MAN1C1: variants seen among roughly 807,000 people sequenced by gnomAD.
MAN1C1 encodes mannosidase alpha class 1C member 1.
Under a neutral mutation model 71.5 loss-of-function variants are expected in MAN1C1, and 49 were observed. That is an observed-to-expected ratio of 0.69 (90% CI 0.54 to 0.87). The LOEUF (loss-of-function observed/expected upper bound fraction) is 0.87, where lower values mean the gene tolerates loss of function less well. Ranked by LOEUF, MAN1C1 falls within the 40% of genes least tolerant of loss-of-function variation. The pLI, the probability that MAN1C1 is intolerant of heterozygous loss-of-function variation, is 0.00. For synonymous variants in MAN1C1, 352 were observed against 343.7 expected, an observed-to-expected ratio of 1.02 and a Z score of -0.27; for missense variants, 743 against 835.0, an observed-to-expected ratio of 0.89 and a Z score of 1.36.
Position 25,698,063 on chromosome 1 carries a change from G to A in MAN1C1, c.637+11527G>A, listed in dbSNP as rs1368878511. On this transcript the variant is annotated intron_variant, in intron 2 of 11. Coordinates refer to ENST00000374332, the MANE Select transcript of MAN1C1 (RefSeq NM_020379.4). ...CTGCCTTCACTTACGGGTGATTTGGGGCTCCCACACCAGCTGCCTCAAGTG... is the reference window on the plus strand; with the variant it reads ...CTGCCTTCACTTACGGGTGATTTGGAGCTCCCACACCAGCTGCCTCAAGTG... 2.6e-5 allele frequency among the ~76,000 whole-genome samples: 4 copies of A among 152,238 alleles called. 1 individual carries two copies. The highest frequency in any genetic ancestry group is 6.8e-3 in the Middle Eastern group (2 of 294).
chr1:25,722,244 A>G (rs2046776318), intron 2 of MAN1C1, among the ~76,000 whole-genome samples: 1 of 152,144 alleles, frequency 6.6e-6, no homozygotes. Flanking sequence ...TTTCATGACG[A>G]TATACCTCAG....
At chr1:25,669,019 G>A (rs1303802508) in intron 1 of MAN1C1, among the ~76,000 whole-genome samples, 2 of 152,280 alleles carry the variant, frequency 1.3e-5, no homozygotes, top group South Asian at 2.1e-4. Flanking sequence ...GAAAGAGTCC[G>A]GGTGAGCCAC....
chr1:25,644,518 A>ATATATATATATTTTTT (rs61386117), intron 1 of MAN1C1: 1 of 40,286 alleles, frequency 2.5e-5, no homozygotes, highest in African/African-American at 1.9e-4. Flanking sequence ...ATATATATAT[A>ATATATATATATTTTTT]TTTTTTTTTT....
intron 2 of MAN1C1, among the ~76,000 whole-genome samples, chr1:25,732,704 A>T (rs1236427649): frequency 2.6e-5 from 4 of 152,122 alleles, no homozygotes; most frequent in Non-Finnish European, 5.9e-5. Context: ...GACTCAACCC[A>T]TTCTGCTGGC....
At chr1:25,733,272 G>A (rs751334644) in intron 2 of MAN1C1, among the ~76,000 whole-genome samples, 4 of 152,218 alleles carry the variant, frequency 2.6e-5, no homozygotes, top group East Asian at 3.9e-4. Flanking sequence ...CTGGAGTCCC[G>A]TTGGGCCCAG....
intron 2 of MAN1C1, among the ~76,000 whole-genome samples, chr1:25,720,162 T>G (rs1251267771): frequency 6.6e-6 from 1 of 152,220 alleles, no homozygotes; most frequent in African/African-American, 2.4e-5. Context: ...ATCCTTTGTG[T>G]GTTGTCTTTA....
chr1:25,749,544 A>T (rs2047186485), intron 4 of MAN1C1, among the ~76,000 whole-genome samples: 1 of 152,196 alleles, frequency 6.6e-6, no homozygotes, highest in Non-Finnish European at 1.5e-5. Flanking sequence ...CATCATGGGC[A>T]TGTTGCTCCC....
intron 1 of MAN1C1, among the ~76,000 whole-genome samples, chr1:25,663,154 G>A (rs1400855766): frequency 2.7e-5 from 4 of 147,248 alleles, no homozygotes; most frequent in Non-Finnish European, 6.0e-5. Flanking sequence ...TTAAATACAT[G>A]TATATATATT....
intron 10 of MAN1C1, among the ~76,000 whole-genome samples, chr1:25,781,928 C>A (rs1401182368): frequency 6.6e-6 from 1 of 152,122 alleles, no homozygotes; most frequent in African/African-American, 2.4e-5. Context: ...CAGAAAAATA[C>A]AAAAATTATC....
Position 25,778,266 on chromosome 1 carries a change from C to G in MAN1C1, c.1419C>G (p.His473Gln). Residue 473 changes from histidine (H) to glutamine (Q), a missense_variant, in exon 9 of 12, where the codon CAC (histidine) becomes CAG (glutamine). By Grantham distance (24) the His-to-Gln change is conservative (BLOSUM62 0). Transcript: ENST00000374332. The surrounding 1 kb of genome is among the most constrained non-coding windows in gnomAD (Gnocchi z 5.5). ...AEDAKEEKRA[H>Q]YRELAAQITK... ...ATGCCAAGGAAGAAAAGAGGGCCCACTACCGAGAGCTCGCAGCCCAGATCA... is the reference window on the plus strand; with the variant it reads ...ATGCCAAGGAAGAAAAGAGGGCCCAGTACCGAGAGCTCGCAGCCCAGATCA... The G allele has an allele frequency of 6.2e-7, 1 of 1,614,096 alleles. No homozygotes were observed. The highest frequency in any genetic ancestry group is 8.5e-7 in the Non-Finnish European group (1 of 1,179,976).
At chr1:25,674,552 C>T (rs1041267872) in intron 1 of MAN1C1, among the ~76,000 whole-genome samples, 5 of 152,150 alleles carry the variant, frequency 3.3e-5, no homozygotes, top group African/African-American at 1.2e-4. Context: ...GAAGGGAAGA[C>T]CTCTCTTGGA....
chr1:25,706,354 C>T (rs1159983809), intron 2 of MAN1C1, among the ~76,000 whole-genome samples: 1 of 152,208 alleles, frequency 6.6e-6, no homozygotes, highest in Non-Finnish European at 1.5e-5. Flanking sequence ...CCTGGATTCT[C>T]AGTCCCTGGG....
intron 1 of MAN1C1, among the ~76,000 whole-genome samples, chr1:25,648,366 G>A (rs967979954): frequency 2.0e-5 from 3 of 152,208 alleles, no homozygotes; most frequent in African/African-American, 4.8e-5. Context: ...TGCAGAAGCC[G>A]TCTGATATTG....
At chr1:25,668,513 C>T (rs1289479716) in intron 1 of MAN1C1, among the ~76,000 whole-genome samples, 2 of 151,554 alleles carry the variant, frequency 1.3e-5, no homozygotes, top group African/African-American at 2.4e-5. Context: ...AGATTGGAAT[C>T]GGACAGACCT....
chr1:25,650,592 C>T (rs1455521084), intron 1 of MAN1C1, among the ~76,000 whole-genome samples: 1 of 152,186 alleles, frequency 6.6e-6, no homozygotes, highest in African/African-American at 2.4e-5. Context: ...CATGGCCTAA[C>T]CAAATCTCTC....
At chr1:25,675,583 G>GT (rs2046053209) in intron 1 of MAN1C1, among the ~76,000 whole-genome samples, 1 of 111,500 alleles carries the variant, frequency 9.0e-6, no homozygotes, top group African/African-American at 4.3e-5. Context: ...GACTTATTTT[G>GT]CGGGGGGGGG....
intron 1 of MAN1C1, among the ~76,000 whole-genome samples, chr1:25,652,211 G>C (rs1039594296): frequency 6.6e-6 from 1 of 152,226 alleles, no homozygotes; most frequent in South Asian, 2.1e-4. Flanking sequence ...GGCCCTGAAG[G>C]CCTGTGTAGC....
rs574232811 is a variant in MAN1C1 at position 25,745,702 on chromosome 1, T to C, written c.638-966T>C. On this transcript the variant is annotated intron_variant, in intron 2 of 11. Coordinates refer to ENST00000374332, the MANE Select transcript of MAN1C1 (RefSeq NM_020379.4). The stretch of plus-strand genomic sequence containing the variant: ...AGAGACAGAGGATTGGCACGGTTGA[T>C]TTTTGGGCCAGGTGCAGTGGCTCAC... Among the ~76,000 whole-genome samples the C allele has an allele frequency of 4.6e-5, 7 of 152,280 alleles. No homozygotes were observed. In the East Asian group the frequency reaches 1.4e-3, roughly 29 times the overall value.
At chr1:25,647,552 A>G (rs1043456818) in intron 1 of MAN1C1, among the ~76,000 whole-genome samples, 1 of 148,860 alleles carries the variant, frequency 6.7e-6, no homozygotes, top group Admixed American at 6.8e-5. Context: ...CCTGAGGCCA[A>G]GGCAACTGTG....
Sources: gnomAD v4.1 joint callset for allele counts (sites outside exome capture counted in the v4.1 genomes callset) on GRCh38, gnomAD v4.1.1 for gene constraint, Gnocchi (gnomAD v3.1) non-coding constraint, MANE v1.5 for transcripts, NCBI Gene and HGNC (gene_info 2026-07-23, HGNC 2026-07-21) for gene names.